CFDP1: variants seen among roughly 807,000 people sequenced by gnomAD.
CFDP1 encodes the protein heterochromatin-stabilizing protein CFDP1.
In CFDP1, 31 loss-of-function variants were observed where a neutral mutation model predicts 40.1. The observed-to-expected ratio is 0.77, with a 90% CI of 0.58 to 1.04. The LOEUF is 1.04. Ranked by LOEUF, CFDP1 falls within the 50% of genes least tolerant of loss-of-function variation. CFDP1 has a pLI of 0.00. For synonymous variants in CFDP1, 167 were observed against 120.0 expected (o/e 1.39, Z -2.56); for missense variants, 423 against 343.4 (o/e 1.23, Z -1.83).
chr16:75,416,907 G>C (rs1389343785), intron 1 of CFDP1, among the ~76,000 whole-genome samples: 2 of 152,206 alleles, frequency 1.3e-5, no homozygotes, highest in South Asian at 2.1e-4. Context: ...CTAAGTGACA[G>C]TGTTTCATGA....
rs186361260 is a variant in CFDP1, at chr16:75,315,643, C to T, written c.651-10461G>A. On this transcript the variant is annotated intron_variant, in intron 5 of 6. Coordinates refer to ENST00000283882, the MANE Select transcript of CFDP1 (RefSeq NM_006324.3). ...CCACTATTTATCTAAATACGCTTCA[C>T]TTAGATTCAATTGTTAACATTTTGC... 2.0e-4 allele frequency among the ~76,000 whole-genome samples: 31 copies of T among 152,264 alleles called. No individual in the cohort carries two copies. The East Asian group carries it at 4.6e-3, about 23-fold the overall frequency.
At chr16:75,310,218 G>C (rs2078286818) in intron 5 of CFDP1, among the ~76,000 whole-genome samples, 1 of 152,182 alleles carries the variant, frequency 6.6e-6, no homozygotes, top group South Asian at 2.1e-4. Flanking sequence ...GCTCTCACCA[G>C]CCAGCTTCCA....
chr16:75,294,018 A>G lies in CFDP1; in HGVS notation c.834T>C (p.Leu278=), dbSNP rs6624. ...KEGYIERKAF[L]DRVDHRQFEI... ...CAAACTGCCTGTGATCCACTCGGTCAAGGAAGGCTTTCCGTTCAATGTACC... is the reference window on the plus strand; with the variant it reads ...CAAACTGCCTGTGATCCACTCGGTCGAGGAAGGCTTTCCGTTCAATGTACC... Residue 278 remains leucine (L), a synonymous_variant, in exon 7 of 7, where the codon CTT becomes CTC. Transcript: ENST00000283882. 1,369,938 of 1,613,352 alleles carry G rather than the reference A, an allele frequency of 0.85. 583,520 individuals carry two copies. The highest frequency in any genetic ancestry group is 0.9 in the Admixed American group (54,032 of 59,990).
At chr16:75,295,861 T>C (rs2078178421) in intron 6 of CFDP1, among the ~76,000 whole-genome samples, 1 of 152,122 alleles carries the variant, frequency 6.6e-6, no homozygotes, top group South Asian at 2.1e-4. Context: ...TAGGGAAGTG[T>C]AGACATCTAA....
intron 5 of CFDP1, among the ~76,000 whole-genome samples, chr16:75,310,744 C>A (rs1418033846): frequency 6.6e-6 from 1 of 152,184 alleles, no homozygotes; most frequent in Admixed American, 6.5e-5. Flanking sequence ...AAAAGAGGTA[C>A]TGGAAAGGAG....
At chr16:75,383,848 C>T (rs1055031683) in intron 5 of CFDP1, among the ~76,000 whole-genome samples, 1 of 150,632 alleles carries the variant, frequency 6.6e-6, no homozygotes, top group African/African-American at 2.4e-5. Flanking sequence ...GATACAGCCC[C>T]AAATTTGGCT....
At chr16:75,327,508 T>C (rs1273457665) in intron 5 of CFDP1, among the ~76,000 whole-genome samples, 2 of 152,002 alleles carry the variant, frequency 1.3e-5, no homozygotes, top group Non-Finnish European at 2.9e-5. Flanking sequence ...TACAGTAGAA[T>C]AGTATAGACT....
At chr16:75,299,745 A>T (rs2078209442) in intron 6 of CFDP1, among the ~76,000 whole-genome samples, 1 of 152,168 alleles carries the variant, frequency 6.6e-6, no homozygotes, top group Admixed American at 6.5e-5. Context: ...GCCCTCAGGG[A>T]CTTACCCTGA....
chr16:75,324,507 C>T (rs186253312), intron 5 of CFDP1, among the ~76,000 whole-genome samples: 1 of 152,088 alleles, frequency 6.6e-6, no homozygotes, highest in East Asian at 1.9e-4. Flanking sequence ...TTTAGGAGGT[C>T]GAGGTAGGTG....
chr16:75,309,990 C>T (rs1181913838), intron 5 of CFDP1, among the ~76,000 whole-genome samples: 1 of 152,174 alleles, frequency 6.6e-6, no homozygotes, highest in Admixed American at 6.5e-5. Flanking sequence ...CCTCACCCAC[C>T]TGTTGCAAGT....
intron 4 of CFDP1, chr16:75,406,739 A>C (rs1367724205): frequency 6.6e-6 from 1 of 151,754 alleles, no homozygotes; most frequent in Non-Finnish European, 1.5e-5. Flanking sequence ...AAAATAAACA[A>C]ATAGGCCAGG....
intron 1 of CFDP1, among the ~76,000 whole-genome samples, chr16:75,421,419 CA>C (rs1420072516): frequency 6.6e-6 from 1 of 152,068 alleles, no homozygotes; most frequent in Non-Finnish European, 1.5e-5. Context: ...CAAAACCCCC[CA>C]AAACCTCAAT....
chr16:75,394,657 G>GTTTTTTTTTT, intron 5 of CFDP1: 1 of 58,568 alleles, frequency 1.7e-5, no homozygotes, highest in African/African-American at 4.7e-5. Context: ...AATTTTCTTC[G>GTTTTTTTTTT]CTTTTTTTTT....
At chr16:75,364,436 G>A (rs963549291) in intron 5 of CFDP1, among the ~76,000 whole-genome samples, 2 of 152,048 alleles carry the variant, frequency 1.3e-5, no homozygotes, top group African/African-American at 4.8e-5. Context: ...ATTTTTTTCA[G>A]GGAGCTGAAA....
chr16:75,324,973 G>A (rs751197024), intron 5 of CFDP1: 42 of 152,264 alleles, frequency 2.8e-4, no homozygotes, highest in Admixed American at 2.4e-3. Context: ...CTGCTCTTTG[G>A]AATTGTCTGA....
chr16:75,432,140 G>A (rs910613745), intron 1 of CFDP1, among the ~76,000 whole-genome samples: 1 of 151,142 alleles, frequency 6.6e-6, no homozygotes, highest in East Asian at 2.0e-4. Flanking sequence ...TCGATCTCCA[G>A]ACCTTGTGAT....
chr16:75,314,641 C>G (rs1024419740), intron 5 of CFDP1, among the ~76,000 whole-genome samples: 2 of 152,166 alleles, frequency 1.3e-5, no homozygotes, highest in Non-Finnish European at 2.9e-5. Context: ...CTAAATAAAG[C>G]TGTTTTGAAA....
At chr16:75,429,253 A>G (rs1313615170) in intron 1 of CFDP1, among the ~76,000 whole-genome samples, 2 of 152,268 alleles carry the variant, frequency 1.3e-5, no homozygotes, top group African/African-American at 4.8e-5. Flanking sequence ...AAAGTAATGA[A>G]GTAACACTTT....
rs756427191 is a variant in CFDP1, at chr16:75,395,197, T to C, written c.543A>G (p.Glu181=). ...TGGCCTCTTTAGATGTAGCATCCAC[T>C]TCCTTAGTTACCCTGTGCCAAGGAA... ...FAGEEVRVTK[E]VDATSKEAKS... is the part of the protein sequence containing the mutation. Residue 181 remains glutamate (E), a synonymous_variant, in exon 5 of 7, where the codon GAA becomes GAG. Coordinates refer to ENST00000283882, the MANE Select transcript of CFDP1 (RefSeq NM_006324.3). The C allele has an allele frequency of 2.5e-6, 4 of 1,613,004 alleles. No homozygotes were observed. In the East Asian group the frequency reaches 6.7e-5, roughly 27 times the overall value.
Sources: allele counts gnomAD v4.1 joint callset (sites outside exome capture counted in the v4.1 genomes callset), GRCh38; gene constraint gnomAD v4.1.1; transcripts MANE v1.5; gene names NCBI Gene and HGNC (gene_info 2026-07-23, HGNC 2026-07-21).